Variants in PPP1R9A observed in about 807,000 individuals in gnomAD.
PPP1R9A encodes protein phosphatase 1 regulatory subunit 9A, also known as neurabin-1.
In PPP1R9A, 59 loss-of-function variants were observed where a neutral mutation model predicts 141.9. That is an observed-to-expected ratio of 0.42 (90% confidence interval 0.34 to 0.52). PPP1R9A has a LOEUF of 0.52. PPP1R9A is among the 20% of genes least tolerant of loss of function. The pLI is 0.10. For synonymous variants in PPP1R9A, 500 were observed against 569.7 expected (o/e 0.88, Z 1.74); for missense variants, 1,444 against 1,611.9 (o/e 0.90, Z 1.78).
At chr7:94,961,587 T>C (rs1797648169) in intron 2 of PPP1R9A, among the ~76,000 whole-genome samples, 1 of 151,770 alleles carries the variant, frequency 6.6e-6, no homozygotes, top group South Asian at 2.1e-4. Flanking sequence ...GTATTCAGAG[T>C]TAAGGTTATT....
At chr7:94,953,192 C>T (rs930760588) in intron 2 of PPP1R9A, among the ~76,000 whole-genome samples, 10 of 152,112 alleles carry the variant, frequency 6.6e-5, no homozygotes, top group African/African-American at 2.4e-4. Context: ...CCAGTTTTCC[C>T]AACACCATTT....
intron 2 of PPP1R9A, among the ~76,000 whole-genome samples, chr7:94,921,846 C>T (rs989406952): frequency 6.6e-6 from 1 of 151,752 alleles, no homozygotes; most frequent in Non-Finnish European, 1.5e-5. Flanking sequence ...AGCACTAAAA[C>T]AAACAAACCT....
chr7:94,962,764 G>A (rs1162077238), intron 2 of PPP1R9A, among the ~76,000 whole-genome samples: 1 of 152,096 alleles, frequency 6.6e-6, no homozygotes, highest in Non-Finnish European at 1.5e-5. Flanking sequence ...GATCTTGGGA[G>A]TCTGAGTGAC....
At chr7:94,951,962 T>A (rs892412599) in intron 2 of PPP1R9A, among the ~76,000 whole-genome samples, 2 of 152,136 alleles carry the variant, frequency 1.3e-5, no homozygotes, top group African/African-American at 4.8e-5. Context: ...TCTTTCTTTT[T>A]AAATTATTAT....
In PPP1R9A at chr7:95,288,582, G is replaced by A. The variant is rs149869201; in HGVS notation, c.3776G>A (p.Arg1259Gln). 2,729 of 1,614,024 alleles carry A rather than the reference G, an allele frequency of 1.7e-3. 27 individuals carry two copies. The highest frequency in any genetic ancestry group is 0.013 in the South Asian group (1,152 of 91,074). Residue 1259 changes from arginine (R) to glutamine (Q), a missense_variant, in exon 19 of 20, where the codon CGG (arginine) becomes CAG (glutamine). Transcript: ENST00000433360. ...CCCAAACACAGTCAGTGTCAGAATC[G>A]GGCCGTTCAGGAATGGAGTGTGCAG... ...QSPKHSQCQN[R>Q]AVQEWSVQQV...
At position 94,923,236 on chromosome 7, in the gene PPP1R9A, A is replaced by G. The variant is rs866170759; in HGVS notation, c.1395+11728A>G. On this transcript the variant is annotated intron_variant, in intron 2 of 19. Transcript: ENST00000433360. ...TTTTCCTTAAGTTCGACTATTGTGT[A>G]TATGATATTCTAATGTGTTACTTAA... 2.0e-5 allele frequency among the ~76,000 whole-genome samples: 3 copies of G among 152,308 alleles called. No individual in the cohort carries two copies. In the Middle Eastern group the frequency reaches 0.01, roughly 518 times the overall value.
intron 3 of PPP1R9A, among the ~76,000 whole-genome samples, chr7:95,112,495 T>C (rs1210971554): frequency 1.3e-5 from 2 of 152,122 alleles, no homozygotes; most frequent in Admixed American, 6.5e-5. Context: ...TGGAAAACAG[T>C]GTGGAGATTT....
intron 2 of PPP1R9A, among the ~76,000 whole-genome samples, chr7:95,080,909 T>G (rs758035255): frequency 2.0e-5 from 3 of 152,198 alleles, no homozygotes; most frequent in South Asian, 4.1e-4. Flanking sequence ...TCCAGATGAC[T>G]TGCACATGGA....
intron 2 of PPP1R9A, among the ~76,000 whole-genome samples, chr7:95,039,110 G>A (rs1334899462): frequency 1.3e-5 from 2 of 152,142 alleles, no homozygotes; most frequent in Non-Finnish European, 1.5e-5. Context: ...AGTCTGAAGA[G>A]ACAAAGCCAT....
chr7:95,194,437 T>A lies in PPP1R9A; in HGVS notation c.1755-3912T>A, dbSNP rs150780697. Among the ~76,000 whole-genome samples the A allele has an allele frequency of 4.3e-3, 649 of 152,142 alleles. 4 individuals are homozygous for A. Among genetic ancestry groups the A allele is most frequent in the African/African-American group, 0.014 (585 of 41,544 alleles). ...GATGTCTACTCTTACCCCTTCTTTT[T>A]AATATATGTTGGAAGTTTTAGCCAG... On this transcript the variant is annotated intron_variant, in intron 5 of 19. Transcript: ENST00000433360.
intron 8 of PPP1R9A, among the ~76,000 whole-genome samples, chr7:95,243,729 T>C (rs543823933): frequency 6.6e-6 from 1 of 152,252 alleles, no homozygotes; most frequent in South Asian, 2.1e-4. Context: ...TGAAAAGGTG[T>C]GTGACTTCCC....
chr7:94,949,325 G>A (rs1375941890), intron 2 of PPP1R9A, among the ~76,000 whole-genome samples: 2 of 152,104 alleles, frequency 1.3e-5, no homozygotes, highest in African/African-American at 4.8e-5. Context: ...CACACATGCA[G>A]GGAGGAGGAA....
chr7:95,131,397 C>G (rs1185915764), intron 4 of PPP1R9A, among the ~76,000 whole-genome samples: 1 of 152,096 alleles, frequency 6.6e-6, no homozygotes, highest in Non-Finnish European at 1.5e-5. Context: ...TATAAATTAC[C>G]CAATCTTTGA....
At chr7:95,046,001 A>G (rs1238906622) in intron 2 of PPP1R9A, among the ~76,000 whole-genome samples, 2 of 152,168 alleles carry the variant, frequency 1.3e-5, no homozygotes, top group East Asian at 3.8e-4. Context: ...GTTGAGTATC[A>G]TTAAGATTAG....
intron 2 of PPP1R9A, among the ~76,000 whole-genome samples, chr7:94,956,210 A>G (rs1038614361): frequency 1.3e-5 from 2 of 152,108 alleles, no homozygotes; most frequent in African/African-American, 4.8e-5. Flanking sequence ...ACCGGTGAGC[A>G]TTTCAGAAAG....
At chr7:94,918,885 G>C (rs1792418625) in intron 2 of PPP1R9A, among the ~76,000 whole-genome samples, 1 of 152,172 alleles carries the variant, frequency 6.6e-6, no homozygotes, top group African/African-American at 2.4e-5. Flanking sequence ...TGGTCTAAAA[G>C]TTAAGTGGCA....
intron 2 of PPP1R9A, 109 bp downstream of exon 2, chr7:94,911,617 G>C: frequency 5.0e-6 from 4 of 798,678 alleles, no homozygotes; most frequent in Non-Finnish European, 7.7e-6. Flanking sequence ...AGGGATTCAA[G>C]ATTGTTGATA....
At chr7:95,118,339 A>G (rs1041002279) in intron 3 of PPP1R9A, among the ~76,000 whole-genome samples, 8 of 152,240 alleles carry the variant, frequency 5.3e-5, no homozygotes, top group Admixed American at 4.6e-4. Context: ...AATCACATGT[A>G]TATAAACTTA....
In PPP1R9A at chr7:95,159,939, A is replaced by AAAAG. The variant is rs1554533980; in HGVS notation, c.1650-1912_1650-1909dup. 2.2e-3 allele frequency among the ~76,000 whole-genome samples: 307 copies of AAAAG among 141,502 alleles called. 2 individuals are homozygous for AAAAG. Among genetic ancestry groups the AAAAG allele is most frequent in the South Asian group, 5.0e-3 (21 of 4,238 alleles). The allele number at this position is 141,502 out of a possible 152,430, so 92.8% of individuals were successfully genotyped here. On this transcript the variant is annotated intron_variant, in intron 4 of 19. Transcript: ENST00000433360. ...AGACATTGTCTCAAAAAAAAAAAAA[A>AAAAG]AAAGAAAGAAAGAAAGAAAAAATGT...
Sources: gnomAD v4.1 joint callset for allele counts (sites outside exome capture counted in the v4.1 genomes callset) on GRCh38, gnomAD v4.1.1 for gene constraint, MANE v1.5 for transcripts, NCBI Gene and HGNC (gene_info 2026-07-23, HGNC 2026-07-21) for gene names.